The following ESR1 variants were observed in gnomAD, a reference collection of about 807,000 sequenced individuals.
ESR1 encodes the protein estrogen receptor 1, also known as estrogen receptor.
A neutral mutation model predicts 52.7 loss-of-function variants in ESR1; 12 were observed. The observed-to-expected ratio is 0.23, with a 90% CI of 0.15 to 0.37. ESR1 has a LOEUF of 0.37. Among genes scored for constraint, ESR1 ranks in the 10% least tolerant of loss-of-function variants. The probability of loss-of-function intolerance (pLI) is 1.00; values close to 1 mark genes in which losing one functional copy is unlikely to be tolerated. For synonymous variants in ESR1, 305 were observed against 316.8 expected (o/e 0.96, Z 0.39); for missense variants, 584 against 779.7 (o/e 0.75, Z 2.99).
chr6:152,041,309 C>T (rs2045777658), intron 5 of ESR1, among the ~76,000 whole-genome samples: 1 of 152,216 alleles, frequency 6.6e-6, no homozygotes, highest in Non-Finnish European at 1.5e-5. Context: ...GGACCTGTTG[C>T]AGAGCCTTCT....
intron 2 of ESR1, among the ~76,000 whole-genome samples, chr6:151,716,679 C>T (rs1215347199): frequency 6.6e-6 from 1 of 152,150 alleles, no homozygotes; most frequent in African/African-American, 2.4e-5. Context: ...GATGCCCCTC[C>T]CCCCACCAAG....
At chr6:151,758,095 T>G (rs564326885) in intron 2 of ESR1, among the ~76,000 whole-genome samples, 1 of 152,342 alleles carries the variant, frequency 6.6e-6, no homozygotes, top group East Asian at 1.9e-4. Context: ...TTCTTTGTAG[T>G]TTCATGGTCT....
At chr6:151,995,031 C>T (rs1254755940) in intron 4 of ESR1, among the ~76,000 whole-genome samples, 1 of 152,028 alleles carries the variant, frequency 6.6e-6, no homozygotes, top group African/African-American at 2.4e-5. Flanking sequence ...TTCTCAAACC[C>T]AGCTGTGGGG....
upstream of ESR1, among the ~76,000 whole-genome samples, chr6:151,801,156 A>G (rs58202367): frequency 0.023 from 3,461 of 152,058 alleles, 52 homozygotes; most frequent in African/African-American, 0.05. Context: ...ATTGCTCTTC[A>G]TAGAGAAATA....
intron 1 of ESR1, among the ~76,000 whole-genome samples, chr6:151,665,542 TG>T (rs1777791620): frequency 6.6e-6 from 1 of 152,180 alleles, no homozygotes; most frequent in Admixed American, 6.5e-5. Flanking sequence ...TTTGACCACG[TG>T]TGCACAGCCT....
intron 2 of ESR1, among the ~76,000 whole-genome samples, chr6:151,708,655 T>C (rs1325652110): frequency 6.6e-6 from 1 of 152,204 alleles, no homozygotes; most frequent in Non-Finnish European, 1.5e-5. Context: ...TGACTTCTAA[T>C]GAGCTTAAGC....
intron 1 of ESR1, among the ~76,000 whole-genome samples, chr6:151,822,332 A>T (rs1266022385): frequency 6.6e-6 from 1 of 152,172 alleles, no homozygotes; most frequent in African/African-American, 2.4e-5. Flanking sequence ...TCGGTGAAAA[A>T]TTGAAGGCCA....
At chr6:151,709,688 T>C (rs1265130702) in intron 2 of ESR1, among the ~76,000 whole-genome samples, 1 of 152,162 alleles carries the variant, frequency 6.6e-6, no homozygotes, top group African/African-American at 2.4e-5. Context: ...CTTTGTGGTT[T>C]TAATTTCCAT....
chr6:151,671,448 C>T (rs1778056330), intron 1 of ESR1, among the ~76,000 whole-genome samples: 1 of 152,250 alleles, frequency 6.6e-6, no homozygotes, highest in Middle Eastern at 3.4e-3. Context: ...ACAAATTGTG[C>T]ATGATCTCAC....
chr6:151,792,464 G>A (rs781120501), intron 2 of ESR1, among the ~76,000 whole-genome samples: 31 of 151,260 alleles, frequency 2.0e-4, no homozygotes, highest in Non-Finnish European at 4.0e-4. Context: ...TTTAGAGATA[G>A]GGTCTTGCTC....
rs1210572478 is a variant in ESR1, at chr6:151,703,718, A to T, written c.-71+1713A>T. ...CTGAACAAAGTAGAAGAACCAGTGC[A>T]AGTCACTGGGGGTATGGATCTCATA... On this transcript the variant is annotated intron_variant, in intron 2 of 2. Coordinates refer to the ESR1 transcript ENST00000404742. 2.6e-5 allele frequency among the ~76,000 whole-genome samples: 4 copies of T among 152,298 alleles called. No homozygotes were observed. The East Asian group carries it at 7.7e-4, about 29-fold the overall frequency.
intron 6 of ESR1, among the ~76,000 whole-genome samples, chr6:152,110,996 A>G (rs1410373048): frequency 6.6e-6 from 1 of 151,920 alleles, no homozygotes; most frequent in African/African-American, 2.4e-5. Context: ...TTTCCTCTGT[A>G]CCTTGGCACC....
In ESR1 at chr6:151,808,203, C is replaced by G. The variant is rs533291788; in HGVS notation, c.291C>G (p.Phe97Leu). The G allele has an allele frequency of 3.8e-6, 6 of 1,572,524 alleles. No individual in the cohort carries two copies. Among genetic ancestry groups the G allele is most frequent in the Non-Finnish European group, 5.2e-6 (6 of 1,159,012 alleles). The change falls in exon 1 of 8, where the codon TTC (phenylalanine) becomes TTG (leucine). Residue 97 changes from phenylalanine (F) to leucine (L), a missense_variant. Transcript: ENST00000206249. ...TCGGCTCCAACGGCCTGGGGGGTTTCCCCCCACTCAACAGCGTGTCTCCGA... is the reference window on the plus strand; with the variant it reads ...TCGGCTCCAACGGCCTGGGGGGTTTGCCCCCACTCAACAGCGTGTCTCCGA... ...AAFGSNGLGG[F>L]PPLNSVSPSP...
chr6:152,011,011 G>C (rs902016327), intron 4 of ESR1, among the ~76,000 whole-genome samples: 1 of 151,542 alleles, frequency 6.6e-6, no homozygotes, highest in Admixed American at 6.6e-5. Flanking sequence ...GTAATGATTG[G>C]AGAAAGCTTT....
chr6:151,815,433 G>T (rs1323508648), intron 1 of ESR1, among the ~76,000 whole-genome samples: 1 of 152,158 alleles, frequency 6.6e-6, no homozygotes, highest in Non-Finnish European at 1.5e-5. Flanking sequence ...TTAGCAAAGT[G>T]CATGGCACGT....
chr6:151,738,887 A>C (rs1782869098), intron 2 of ESR1, among the ~76,000 whole-genome samples: 1 of 152,202 alleles, frequency 6.6e-6, no homozygotes, highest in Non-Finnish European at 1.5e-5. Flanking sequence ...TTGTCCCCTA[A>C]GGAAGGCATT....
chr6:152,098,866 C>T lies in ESR1; in HGVS notation c.1688C>T (p.Thr563Met), dbSNP rs763337967. The T allele has an allele frequency of 2.5e-5, 41 of 1,614,182 alleles. No homozygotes were observed. In the South Asian group the frequency reaches 3.4e-4, roughly 13 times the overall value. ...TSRGGASVEE[T>M]DQSHLATAGS... The stretch of plus-strand genomic sequence containing the variant: ...CGTGGAGGGGCATCCGTGGAGGAGA[C>T]GGACCAAAGCCACTTGGCCACTGCG... The change falls in exon 8 of 8, where the codon ACG becomes ATG. Residue 563 changes from threonine to methionine, a missense_variant. Physicochemically the swap from Thr to Met is moderately conservative, Grantham distance 81. Coordinates refer to ENST00000206249, the MANE Select transcript of ESR1 (RefSeq NM_000125.4). This position sits in a 1 kb window ranked among gnomAD's most constrained non-coding sequence, Gnocchi z 5.1.
At chr6:152,027,165 C>G (rs998462283) in intron 5 of ESR1, among the ~76,000 whole-genome samples, 6 of 152,140 alleles carry the variant, frequency 3.9e-5, no homozygotes, top group Middle Eastern at 3.2e-3. Flanking sequence ...AGGGTTTCCC[C>G]ATGTTGGCCA....
intron 5 of ESR1, among the ~76,000 whole-genome samples, chr6:152,029,347 T>C (rs1419408327): frequency 4.6e-5 from 7 of 152,136 alleles, no homozygotes; most frequent in Admixed American, 4.6e-4. Context: ...TTTTCTGAAC[T>C]AAAGGAGGAA....
Sources: gnomAD v4.1 joint callset for allele counts (sites outside exome capture counted in the v4.1 genomes callset) on GRCh38, gnomAD v4.1.1 for gene constraint, Gnocchi (gnomAD v3.1) non-coding constraint, MANE v1.5 for transcripts, NCBI Gene and HGNC (gene_info 2026-07-23, HGNC 2026-07-21) for gene names.